PDE3B: variants seen among roughly 807,000 people sequenced by gnomAD.
PDE3B encodes the protein phosphodiesterase 3B.
PDE3B carries 66 observed loss-of-function variants against 116.8 expected under a neutral mutation model. The observed-to-expected ratio is 0.56, with a 90% CI of 0.46 to 0.69. The LOEUF (loss-of-function observed/expected upper bound fraction) is 0.69, where lower values mean the gene tolerates loss of function less well. Ranked by LOEUF, PDE3B falls within the 30% of genes least tolerant of loss-of-function variation. The pLI, the probability that PDE3B is intolerant of heterozygous loss-of-function variation, is 0.00. For synonymous variants in PDE3B, 595 were observed against 533.6 expected (o/e 1.12, Z -1.59); for missense variants, 1,384 against 1,368.1 (o/e 1.01, Z -0.18).
chr11:14,761,333 C>A (rs1857354570), intron 1 of PDE3B, among the ~76,000 whole-genome samples: 1 of 152,108 alleles, frequency 6.6e-6, no homozygotes, highest in Non-Finnish European at 1.5e-5. Flanking sequence ...TCACATTGAA[C>A]AGTAGTTAGA....
At chr11:14,762,047 C>T (rs1470126313) in intron 1 of PDE3B, among the ~76,000 whole-genome samples, 2 of 152,040 alleles carry the variant, frequency 1.3e-5, no homozygotes, top group Non-Finnish European at 2.9e-5. Context: ...TGGTTCATGC[C>T]TGTAATCCCA....
chr11:14,714,198 G>A (rs996977982), intron 1 of PDE3B, among the ~76,000 whole-genome samples: 5 of 151,882 alleles, frequency 3.3e-5, no homozygotes, highest in African/African-American at 1.2e-4. Context: ...GGGGAGGGGA[G>A]GGTTATAGTC....
chr11:14,880,777 A>G, the PDE3B span: 2 of 1,599,438 alleles, frequency 1.3e-6, no homozygotes, highest in Middle Eastern at 1.7e-4. Flanking sequence ...GCCTGAAAAA[A>G]AATATTAAAA....
chr11:14,695,176 G>A (rs548148662), intron 1 of PDE3B, among the ~76,000 whole-genome samples: 2 of 152,092 alleles, frequency 1.3e-5, no homozygotes, highest in East Asian at 1.9e-4. Context: ...TTCAAAAAAG[G>A]CAAAACAATT....
intron 1 of PDE3B, among the ~76,000 whole-genome samples, chr11:14,672,133 A>G (rs916334146): frequency 8.0e-5 from 12 of 150,684 alleles, no homozygotes; most frequent in Admixed American, 7.3e-4. Context: ...TAGGTATACA[A>G]TTGGCTTTCT....
chr11:14,667,167 A>C (rs1309571757), intron 1 of PDE3B, among the ~76,000 whole-genome samples: 1 of 151,922 alleles, frequency 6.6e-6, no homozygotes, highest in South Asian at 2.1e-4. Flanking sequence ...CATCATTCCC[A>C]GTAAACTATC....
chr11:14,776,932 G>A (rs1261825149), intron 2 of PDE3B, among the ~76,000 whole-genome samples: 4 of 151,914 alleles, frequency 2.6e-5, no homozygotes, highest in Non-Finnish European at 5.9e-5. Flanking sequence ...ACACTAAGAT[G>A]AATCAGATTT....
intron 9 of PDE3B, 106 bp downstream of exon 9, chr11:14,831,883 C>A: frequency 1.5e-6 from 1 of 656,300 alleles, no homozygotes; most frequent in Non-Finnish European, 2.6e-6. Flanking sequence ...TCAACAATGA[C>A]ATTGTTCATT....
chr11:14,736,790 C>A (rs1335214870), intron 1 of PDE3B, among the ~76,000 whole-genome samples: 1 of 152,036 alleles, frequency 6.6e-6, no homozygotes, highest in African/African-American at 2.4e-5. Context: ...AACAATAAAT[C>A]AATTGGTTTG....
At chr11:14,813,292 C>T (rs1048131693) in intron 5 of PDE3B, among the ~76,000 whole-genome samples, 1 of 152,054 alleles carries the variant, frequency 6.6e-6, no homozygotes, top group African/African-American at 2.4e-5. Context: ...GTCAGCAGGG[C>T]TATGTGTCTT....
intron 1 of PDE3B, among the ~76,000 whole-genome samples, chr11:14,760,410 A>C (rs1019473465): frequency 6.6e-6 from 1 of 152,172 alleles, no homozygotes; most frequent in East Asian, 1.9e-4. Context: ...CAAAGTAGGA[A>C]CAAATCAGAC....
intron 12 of PDE3B, among the ~76,000 whole-genome samples, chr11:14,849,460 T>C (rs1847691756): frequency 6.6e-6 from 1 of 152,130 alleles, no homozygotes; most frequent in Non-Finnish European, 1.5e-5. Flanking sequence ...CCAGAAGCAA[T>C]GGCAACAAAA....
chr11:14,812,627 A>G (rs1386755567), intron 5 of PDE3B, among the ~76,000 whole-genome samples: 1 of 152,230 alleles, frequency 6.6e-6, no homozygotes, highest in Non-Finnish European at 1.5e-5. Context: ...TGATACAAAA[A>G]TGATAAAAAA....
rs782569793 is a variant in PDE3B, at chr11:14,867,536, A to G, written c.2917A>G (p.Ile973Val). ...GDEEANLGLP[I>V]SPFMDRSSPQ... is the part of the protein sequence containing the mutation. ...TGAAGAAGCAAATCTTGGTCTGCCC[A>G]TCAGTCCATTCATGGATCGTTCTTC... Residue 973 changes from isoleucine to valine, a missense_variant, in exon 15 of 16, where the codon ATC (isoleucine) becomes GTC (valine). By Grantham distance (29) the Ile-to-Val change is conservative (BLOSUM62 3). Coordinates refer to ENST00000282096, the MANE Select transcript of PDE3B (RefSeq NM_000922.4). 9.3e-6 allele frequency: 15 copies of G among 1,613,912 alleles called. No homozygotes were observed. The South Asian group carries it at 1.5e-4, about 17-fold the overall frequency.
At chr11:14,685,881 T>G (rs1854859648) in intron 1 of PDE3B, among the ~76,000 whole-genome samples, 1 of 152,204 alleles carries the variant, frequency 6.6e-6, no homozygotes. Flanking sequence ...TTCTCATTGG[T>G]CATGGAGTTT....
chr11:14,670,551 T>C lies in PDE3B; in HGVS notation c.978+25498T>C, dbSNP rs887646135. ...ATACGAGAAAATCTTTTAATAGTTA[T>C]AGAGTTGCTTGAATTAGAATAGGTT... On this transcript the variant is annotated intron_variant, in intron 1 of 15. Transcript: ENST00000282096. 1.5e-4 allele frequency among the ~76,000 whole-genome samples: 23 copies of C among 152,224 alleles called. No homozygotes were observed. The South Asian group carries it at 2.5e-3, about 16-fold the overall frequency.
chr11:14,877,328 G>T, the PDE3B span: 1 of 152,092 alleles, frequency 6.6e-6, no homozygotes, highest in Non-Finnish European at 1.5e-5. Context: ...CCATGGAAAT[G>T]CCTAGAGACC....
chr11:14,818,712 CTAAA>C (rs1859413603), intron 6 of PDE3B, among the ~76,000 whole-genome samples: 1 of 151,654 alleles, frequency 6.6e-6, no homozygotes. Context: ...AGTTTTTATT[CTAAA>C]TAAATATCTT....
chr11:14,883,756 A>C, the PDE3B span, among the ~76,000 whole-genome samples: 2 of 152,124 alleles, frequency 1.3e-5, no homozygotes, highest in African/African-American at 2.4e-5. Flanking sequence ...CAACCTACAA[A>C]ATGGGAGAAA....
Sources: allele counts gnomAD v4.1 joint callset (sites outside exome capture counted in the v4.1 genomes callset), GRCh38; gene constraint gnomAD v4.1.1; transcripts MANE v1.5; gene names NCBI Gene and HGNC (gene_info 2026-07-23, HGNC 2026-07-21).